GBF1: variants seen among roughly 807,000 people sequenced by gnomAD.
GBF1 encodes golgi brefeldin A resistant guanine nucleotide exchange factor 1.
In GBF1, 114 loss-of-function variants were observed where a neutral mutation model predicts 210.5. The ratio of observed to expected loss-of-function variants is 0.54; its 90% CI spans 0.47 to 0.63. The LOEUF (loss-of-function observed/expected upper bound fraction) is 0.63, where lower values mean the gene tolerates loss of function less well. Among genes scored for constraint, GBF1 ranks in the 30% least tolerant of loss-of-function variants. The probability of loss-of-function intolerance (pLI) is 0.00; values close to 1 mark genes in which losing one functional copy is unlikely to be tolerated. For synonymous variants in GBF1, 850 were observed against 889.2 expected (o/e 0.96, Z 0.78); for missense variants, 1,851 against 2,357.7 (o/e 0.79, Z 4.45).
At chr10:102,284,861 C>G (rs1165197029) in intron 3 of GBF1, among the ~76,000 whole-genome samples, 1 of 151,960 alleles carries the variant, frequency 6.6e-6, no homozygotes, top group Non-Finnish European at 1.5e-5. Context: ...GCAGCTGAAC[C>G]ATACTACATT....
At chr10:102,361,227 TC>T in intron 13 of GBF1, 107 bp downstream of exon 13, 3 of 737,806 alleles carry the variant, frequency 4.1e-6, no homozygotes, top group South Asian at 2.8e-5. Flanking sequence ...TTTAGGGACT[TC>T]CTATAGGAGA....
intron 3 of GBF1, among the ~76,000 whole-genome samples, chr10:102,339,362 C>CA (rs1401376655): frequency 4.0e-5 from 6 of 149,670 alleles, no homozygotes; most frequent in East Asian, 2.0e-4. Flanking sequence ...GACTCTGTCT[C>CA]AAAAAAAGAC....
rs1283512367 is a variant in GBF1, at chr10:102,363,082, C to T, written c.1877-174C>T. The stretch of plus-strand genomic sequence containing the variant: ...TAATCTCTTCATTAAATTAGAGAAT[C>T]TAATGCTTGGCTGGGACAGGGACTA... On this transcript the variant is annotated intron_variant, in intron 15 of 39. Transcript: ENST00000369983. The surrounding 1 kb of genome is among the most constrained non-coding windows in gnomAD (Gnocchi z 4.2). Among the ~76,000 whole-genome samples the T allele has an allele frequency of 6.6e-6, 1 of 152,152 alleles. No homozygotes were observed. Among genetic ancestry groups the T allele is most frequent in the East Asian group, 1.9e-4 (1 of 5,190 alleles).
intron 3 of GBF1, among the ~76,000 whole-genome samples, chr10:102,284,104 G>C (rs1428448889): frequency 6.6e-6 from 1 of 152,066 alleles, no homozygotes; most frequent in African/African-American, 2.4e-5. Flanking sequence ...GTACCTGCTT[G>C]TCTCTACAAA....
chr10:102,232,098 G>A, the GBF1 span: 10 of 1,500,114 alleles, frequency 6.7e-6, no homozygotes, highest in Admixed American at 1.8e-5. Context: ...GGGCTCTGGA[G>A]GCGAGAGAAG....
intron 3 of GBF1, among the ~76,000 whole-genome samples, chr10:102,264,582 T>G (rs193280880): frequency 6.6e-6 from 1 of 152,268 alleles, no homozygotes. Flanking sequence ...TTTGATCAGG[T>G]GTGGCAGGAA....
At chr10:102,347,926 CTTTTTA>C (rs1045353842) in intron 4 of GBF1, among the ~76,000 whole-genome samples, 2 of 151,938 alleles carry the variant, frequency 1.3e-5, no homozygotes, top group African/African-American at 4.8e-5. Flanking sequence ...TCTAGTCTGC[CTTTTTA>C]TTTTTATTTT....
rs1356628725 is a variant in GBF1 at position 102,376,989 on chromosome 10, A to G, written c.4343A>G (p.Asn1448Ser). 2 of 1,614,136 alleles carry G rather than the reference A, an allele frequency of 1.2e-6. No individual in the cohort carries two copies. The highest frequency in any genetic ancestry group is 4.5e-5 in the East Asian group (2 of 44,878). Residue 1448 changes from asparagine to serine, a missense_variant, in exon 33 of 40, where the codon AAC (asparagine) becomes AGC (serine). Transcript: ENST00000369983. ...GKSHKYDSKG[N>S]RFKKKSKEGS... is the part of the protein sequence containing the mutation. ...AGTCACAAATATGACAGCAAAGGGA[A>G]CCGCTTCAAGAAGAAATCCAAAGAG... is the stretch of plus-strand genomic sequence containing the variant.
At chr10:102,369,534 C>T in intron 24 of GBF1, 147 bp downstream of exon 24, 1 of 879,728 alleles carries the variant, frequency 1.1e-6, no homozygotes, top group Non-Finnish European at 1.8e-6. Context: ...TGTAAGACCA[C>T]AGATCTTGGG....
chr10:102,308,618 C>A (rs528626597), intron 3 of GBF1, among the ~76,000 whole-genome samples: 1 of 150,890 alleles, frequency 6.6e-6, no homozygotes, highest in Non-Finnish European at 1.5e-5. Context: ...AGTAAACTAT[C>A]GCAAGGACAA....
chr10:102,380,901 A>G (rs2060804486), intron 38 of GBF1, among the ~76,000 whole-genome samples: 1 of 152,146 alleles, frequency 6.6e-6, no homozygotes, highest in Admixed American at 6.5e-5. Context: ...CCAGCTACTC[A>G]GGAGGCTGAA....
At chr10:102,242,612 T>C (rs1401687331), upstream of GBF1, among the ~76,000 whole-genome samples, 1 of 152,148 alleles carries the variant, frequency 6.6e-6, no homozygotes, top group Non-Finnish European at 1.5e-5. Flanking sequence ...CCAGTTAGGC[T>C]ATGTTGCTTG....
At chr10:102,263,253 T>C (rs2073452579) in intron 3 of GBF1, among the ~76,000 whole-genome samples, 1 of 152,198 alleles carries the variant, frequency 6.6e-6, no homozygotes, top group South Asian at 2.1e-4. Flanking sequence ...GGAGGACTGC[T>C]TTCCTGGAAG....
chr10:102,270,727 A>C (rs2074324411), intron 3 of GBF1, among the ~76,000 whole-genome samples: 1 of 152,210 alleles, frequency 6.6e-6, no homozygotes, highest in Non-Finnish European at 1.5e-5. Context: ...ATAATTTGCC[A>C]ATTCTAGTTA....
At chr10:102,259,110 C>A in intron 2 of GBF1, 76 bp downstream of exon 2, 2 of 798,618 alleles carry the variant, frequency 2.5e-6, no homozygotes, top group South Asian at 2.8e-5. Flanking sequence ...AAAGAGTAAT[C>A]AAATTCCTAG....
At chr10:102,317,303 T>G (rs1278297842) in intron 3 of GBF1, among the ~76,000 whole-genome samples, 2 of 152,158 alleles carry the variant, frequency 1.3e-5, no homozygotes, top group African/African-American at 4.8e-5. Flanking sequence ...TAGACTATTA[T>G]ATAAATTTAG....
Position 102,363,223 on chromosome 10 carries a change from T to G in GBF1, c.1877-33T>G. On this transcript the variant is annotated intron_variant, in intron 15 of 39. Coordinates refer to ENST00000369983, the MANE Select transcript of GBF1 (RefSeq NM_001377137.1). This position sits in a 1 kb window ranked among gnomAD's most constrained non-coding sequence, Gnocchi z 4.2. ...CAGCTCTGCTTGGCTTCATACCCTA[T>G]AAGTCTTCACGTATCTTCTTCTCTC... 6.3e-7 allele frequency: 1 copy of G among 1,589,580 alleles called. No individual in the cohort carries two copies. The highest frequency in any genetic ancestry group is 8.6e-7 in the Non-Finnish European group (1 of 1,167,676).
chr10:102,360,055 C>T, intron 11 of GBF1, 129 bp from the exon 12 acceptor site: 1 of 725,494 alleles, frequency 1.4e-6, no homozygotes, highest in Non-Finnish European at 2.5e-6. Context: ...CATGAGCCAT[C>T]ACGCCCAGCC....
At position 102,370,837 on chromosome 10, in the gene GBF1, C is replaced by T. The variant is rs770594169; in HGVS notation, c.3637C>T (p.Arg1213Trp). The stretch of plus-strand genomic sequence containing the variant: ...GCTACGCCTGGCCATTCGGCTTCTC[C>T]GGAGAGAAGAGATCAGTGCTCAGGT... Reference protein sequence around the residue: ...GLLRLAIRLLRREEISAQVLL... With the variant: ...GLLRLAIRLLWREEISAQVLL... The change falls in exon 29 of 40, where the codon CGG becomes TGG. Residue 1213 changes from arginine to tryptophan, a missense_variant. This residue lies in a region of GBF1 where 967 missense variants were observed against 1,247.7 expected (regional missense o/e 0.78). Transcript: ENST00000369983. The T allele has an allele frequency of 1.2e-6, 2 of 1,614,058 alleles. No individual in the cohort carries two copies. The highest frequency in any genetic ancestry group is 1.7e-5 in the Admixed American group (1 of 60,006).
Sources: allele counts gnomAD v4.1 joint callset (sites outside exome capture counted in the v4.1 genomes callset), GRCh38; gene constraint gnomAD v4.1.1; regional missense constraint gnomAD v4.1.1; non-coding constraint Gnocchi (gnomAD v3.1); transcripts MANE v1.5; gene names NCBI Gene and HGNC (gene_info 2026-07-23, HGNC 2026-07-21).